ADGRL3: variants seen among roughly 807,000 people sequenced by gnomAD.
ADGRL3 encodes the protein adhesion G protein-coupled receptor L3.
In ADGRL3, 62 loss-of-function variants were observed where a neutral mutation model predicts 153.5. That is an observed-to-expected ratio of 0.40 (90% CI 0.33 to 0.50). The LOEUF is 0.50. ADGRL3 is among the 20% of genes least tolerant of loss of function. The pLI is 0.47. For missense variants in ADGRL3, 1,641 were observed against 1,859.4 expected, an observed-to-expected ratio of 0.88 and a Z score of 2.16; for synonymous variants, 710 against 672.5, an observed-to-expected ratio of 1.06 and a Z score of -0.86.
chr4:61,827,224 T>C (rs984993786), intron 9 of ADGRL3, among the ~76,000 whole-genome samples: 2 of 152,238 alleles, frequency 1.3e-5, no homozygotes, highest in Non-Finnish European at 2.9e-5. Context: ...AGACCGCATT[T>C]GCTGTGCCCA....
At chr4:61,950,867 A>G (rs2098944614) in intron 17 of ADGRL3, among the ~76,000 whole-genome samples, 1 of 152,312 alleles carries the variant, frequency 6.6e-6, no homozygotes, top group African/African-American at 2.4e-5. Flanking sequence ...GGGGGCTTAC[A>G]GTGAATTCCA....
Position 61,726,210 on chromosome 4 carries a change from G to GTTTTTTTTTTT in ADGRL3, c.584-4406_584-4405insTTTTTTTTTTT, listed in dbSNP as rs149472429. ...AATACTCACTGGAACTTTTTTTTTT[G>GTTTTTTTTTTT]TTTTTTGAGAAGGAGTCTCACCCTG... On this transcript the variant is annotated intron_variant, in intron 6 of 26. Transcript: ENST00000683033. Among the ~76,000 whole-genome samples, 9 of 118,474 alleles carry GTTTTTTTTTTT rather than the reference G, an allele frequency of 7.6e-5. 2 individuals carry two copies. The highest frequency in any genetic ancestry group is 1.4e-4 in the Non-Finnish European group (8 of 58,146). 77.7% of individuals were successfully genotyped at this position (118,474 alleles called of 152,430 possible).
intron 9 of ADGRL3, among the ~76,000 whole-genome samples, chr4:61,867,117 AT>A (rs201847100): frequency 2.1e-4 from 32 of 152,158 alleles, no homozygotes; most frequent in East Asian, 9.7e-4. Flanking sequence ...GCCCATATCT[AT>A]TTTTTTAGCA....
chr4:61,422,604 A>G (rs565826966), intron 2 of ADGRL3, among the ~76,000 whole-genome samples: 4 of 152,240 alleles, frequency 2.6e-5, no homozygotes, highest in Admixed American at 2.0e-4. Context: ...TCCTAAGTAG[A>G]ATAGACAAAT....
chr4:61,948,019 A>G, intron 16 of ADGRL3, 81 bp from the exon 17 acceptor site: 1 of 1,142,312 alleles, frequency 8.8e-7, no homozygotes. Flanking sequence ...ATGAAGTTGT[A>G]TTATATGTAA....
chr4:61,876,627 C>T (rs1229339686), intron 9 of ADGRL3, among the ~76,000 whole-genome samples: 1 of 151,058 alleles, frequency 6.6e-6, no homozygotes, highest in Non-Finnish European at 1.5e-5. Context: ...CGGAGTTGGG[C>T]CTGGGAGGGA....
At chr4:61,785,990 G>C (rs2097271766) in intron 8 of ADGRL3, among the ~76,000 whole-genome samples, 1 of 152,088 alleles carries the variant, frequency 6.6e-6, no homozygotes, top group South Asian at 2.1e-4. Flanking sequence ...TTCCAGGCCG[G>C]GTGACAGAGC....
At chr4:61,845,991 C>G (rs1177961389) in intron 9 of ADGRL3, among the ~76,000 whole-genome samples, 3 of 152,034 alleles carry the variant, frequency 2.0e-5, no homozygotes. Flanking sequence ...TTCATTTGTT[C>G]ATTGCAAATG....
At chr4:61,415,355 G>A (rs984852819) in intron 2 of ADGRL3, among the ~76,000 whole-genome samples, 1 of 151,924 alleles carries the variant, frequency 6.6e-6, no homozygotes, top group Non-Finnish European at 1.5e-5. Flanking sequence ...ATTTTAGGAG[G>A]ATTTGTTTTC....
chr4:62,022,444 T>G (rs2099242346), intron 21 of ADGRL3, among the ~76,000 whole-genome samples: 1 of 152,174 alleles, frequency 6.6e-6, no homozygotes, highest in South Asian at 2.1e-4. Context: ...CTAAGATCAT[T>G]GATGAAGGCA....
At chr4:61,769,745 G>T (rs1397447586) in intron 8 of ADGRL3, among the ~76,000 whole-genome samples, 1 of 151,126 alleles carries the variant, frequency 6.6e-6, no homozygotes, top group Non-Finnish European at 1.5e-5. Context: ...AGGAGTGGGG[G>T]TTGCAAGGTG....
At chr4:61,739,319 T>C (rs2096555606) in intron 8 of ADGRL3, among the ~76,000 whole-genome samples, 1 of 150,948 alleles carries the variant, frequency 6.6e-6, no homozygotes, top group Non-Finnish European at 1.5e-5. Flanking sequence ...TTTTTTTTTT[T>C]GATTGGAGAC....
chr4:61,497,767 G>A (rs935218774), intron 3 of ADGRL3, among the ~76,000 whole-genome samples: 1 of 150,476 alleles, frequency 6.6e-6, no homozygotes, highest in Non-Finnish European at 1.5e-5. Context: ...CTCGTGACCC[G>A]CCCTCCTTGG....
chr4:61,510,888 T>A (rs978887559), intron 3 of ADGRL3, among the ~76,000 whole-genome samples: 1 of 152,204 alleles, frequency 6.6e-6, no homozygotes, highest in African/African-American at 2.4e-5. Flanking sequence ...AATTCTTCTA[T>A]CCACGTGTAT....
At chr4:62,062,106 C>A (rs1185358746) in intron 25 of ADGRL3, among the ~76,000 whole-genome samples, 1 of 151,978 alleles carries the variant, frequency 6.6e-6, no homozygotes, top group African/African-American at 2.4e-5. Flanking sequence ...CATTTCTCTG[C>A]ATTCTTGCCA....
Position 61,935,956 on chromosome 4 carries a change from A to G in ADGRL3, c.2330A>G (p.Asn777Ser). 6.3e-7 allele frequency: 1 copy of G among 1,599,822 alleles called. No individual in the cohort carries two copies. Among genetic ancestry groups the G allele is most frequent in the Non-Finnish European group, 8.5e-7 (1 of 1,172,444 alleles). The change falls in exon 15 of 27, where the codon AAC becomes AGC. Residue 777 changes from asparagine (N) to serine (S), a missense_variant. By Grantham distance (46) the Asn-to-Ser change is conservative. Transcript: ENST00000683033. ...GTTGCAAGACTGAGCACAGAAGGAA[A>G]CTTAGAAGACCTAAAATTTCCAGAA... ...LEVARLSTEGNLEDLKFPENM... is the reference protein window; with the variant it reads ...LEVARLSTEGSLEDLKFPENM...
chr4:61,864,530 C>T (rs902700859), intron 9 of ADGRL3, among the ~76,000 whole-genome samples: 1 of 152,088 alleles, frequency 6.6e-6, no homozygotes, highest in Non-Finnish European at 1.5e-5. Context: ...CCACAAAAAG[C>T]CAAGCTTTTA....
At chr4:61,893,006 C>G (rs1055364824) in intron 10 of ADGRL3, 48 bp downstream of exon 10, 3 of 1,257,044 alleles carry the variant, frequency 2.4e-6, no homozygotes, top group African/African-American at 3.1e-5. Flanking sequence ...GTTGCTTTGG[C>G]TTTATTTTCT....
At chr4:61,628,034 A>C (rs1408788763) in intron 5 of ADGRL3, among the ~76,000 whole-genome samples, 1 of 152,184 alleles carries the variant, frequency 6.6e-6, no homozygotes, top group African/African-American at 2.4e-5. Context: ...CTTGGAGTTA[A>C]TTTAATAACA....
Sources: gnomAD v4.1 joint callset for allele counts (sites outside exome capture counted in the v4.1 genomes callset) on GRCh38, gnomAD v4.1.1 for gene constraint, MANE v1.5 for transcripts, NCBI Gene and HGNC (gene_info 2026-07-23, HGNC 2026-07-21) for gene names.